Variants in DIP2B observed in about 807,000 individuals in gnomAD.
The protein encoded by DIP2B is disco-interacting protein 2 homolog B.
A neutral mutation model predicts 198.0 loss-of-function variants in DIP2B; 76 were observed. That is an observed-to-expected ratio of 0.38 (90% CI 0.32 to 0.46). DIP2B has a LOEUF of 0.46. DIP2B is among the 20% of genes least tolerant of loss of function. DIP2B has a pLI of 0.99. For synonymous variants in DIP2B, 701 were observed against 739.1 expected, an observed-to-expected ratio of 0.95 and a Z score of 0.84; for missense variants, 1,559 against 1,978.4, an observed-to-expected ratio of 0.79 and a Z score of 4.02.
intron 28 of DIP2B, among the ~76,000 whole-genome samples, chr12:50,725,455 GGATAA>G (rs564611655): frequency 8.5e-5 from 13 of 152,286 alleles, no homozygotes; most frequent in East Asian, 3.9e-4. Context: ...TTAAAGAAGG[GGATAA>G]GATAAGGGAA....
At chr12:50,730,854 G>A (rs1172732740) in intron 30 of DIP2B, among the ~76,000 whole-genome samples, 1 of 152,164 alleles carries the variant, frequency 6.6e-6, no homozygotes, top group African/African-American at 2.4e-5. Flanking sequence ...CACCAGCTCA[G>A]TGAAGCACTA....
chr12:50,511,296 T>TTTTTTTTTTTTTTTG, intron 1 of DIP2B, among the ~76,000 whole-genome samples: 1 of 113,640 alleles, frequency 8.8e-6, no homozygotes, highest in Non-Finnish European at 1.8e-5. Context: ...TTTCTATTTT[T>TTTTTTTTTTTTTTTG]TTTTTTTTTT....
rs760484356 is a variant in DIP2B, at chr12:50,739,523, C to G, written c.4291C>G (p.Leu1431Val). The G allele has an allele frequency of 6.2e-7, 1 of 1,614,192 alleles. No individual in the cohort carries two copies. Among genetic ancestry groups the G allele is most frequent in the Non-Finnish European group, 8.5e-7 (1 of 1,180,038 alleles). ...RLSFGDAAQT[L>V]WARTGYLGFV... The stretch of plus-strand genomic sequence containing the variant: ...CAGCTTTGGAGATGCAGCTCAGACA[C>G]TCTGGGCTCGGACAGGATACCTTGG... Residue 1431 changes from leucine to valine, a missense_variant, in exon 36 of 38, where the codon CTC (leucine) becomes GTC (valine). Physicochemically the swap from Leu to Val is conservative, Grantham distance 32. Transcript: ENST00000301180.
At position 50,527,581 on chromosome 12, in the gene DIP2B, T is replaced by G. The variant is rs145701652; in HGVS notation, c.100+22341T>G. Reference sequence around the variant, plus strand: ...GCTTGAGGCCAGGAGTTCAAGATAGTGAGACTCTGTCCCTAGGTGGTTATG... The same window carrying G: ...GCTTGAGGCCAGGAGTTCAAGATAGGGAGACTCTGTCCCTAGGTGGTTATG... On this transcript the variant is annotated intron_variant, in intron 1 of 37. Coordinates refer to ENST00000301180, the MANE Select transcript of DIP2B (RefSeq NM_173602.3). Among the ~76,000 whole-genome samples, 719 of 152,200 alleles carry G rather than the reference T, an allele frequency of 4.7e-3. 8 individuals carry two copies. Among genetic ancestry groups the G allele is most frequent in the African/African-American group, 0.016 (680 of 41,512 alleles).
intron 15 of DIP2B, 30 bp from the exon 16 acceptor site, chr12:50,695,818 A>G (rs1939301089): frequency 6.2e-7 from 1 of 1,613,196 alleles, no homozygotes; most frequent in South Asian, 1.1e-5. Flanking sequence ...TTTATTGTGT[A>G]TGTTAACTTC....
chr12:50,686,098 T>C, intron 11 of DIP2B, 142 bp downstream of exon 11: 1 of 890,196 alleles, frequency 1.1e-6, no homozygotes, highest in Non-Finnish European at 1.6e-6. Context: ...ACCATTATTA[T>C]CCCCATTTTA....
intron 1 of DIP2B, among the ~76,000 whole-genome samples, chr12:50,509,530 C>T (rs1313189367): frequency 1.3e-5 from 2 of 152,174 alleles, no homozygotes; most frequent in Non-Finnish European, 2.9e-5. Context: ...AACATAGTCC[C>T]ATCCTCCCTT....
At chr12:50,532,962 A>G (rs985729296) in intron 1 of DIP2B, among the ~76,000 whole-genome samples, 1 of 152,142 alleles carries the variant, frequency 6.6e-6, no homozygotes, top group African/African-American at 2.4e-5. Context: ...TCAGTGATCT[A>G]TTTCTGATTC....
chr12:50,529,676 T>C (rs1268042565), intron 1 of DIP2B, among the ~76,000 whole-genome samples: 1 of 152,036 alleles, frequency 6.6e-6, no homozygotes, highest in Middle Eastern at 3.2e-3. Flanking sequence ...TTTGTATTGA[T>C]GTTCCAGGGG....
intron 1 of DIP2B, among the ~76,000 whole-genome samples, chr12:50,550,792 T>A (rs1459804052): frequency 6.6e-6 from 1 of 152,160 alleles, no homozygotes; most frequent in Non-Finnish European, 1.5e-5. Flanking sequence ...CTTCTAGGAA[T>A]TCCATTCAGC....
At chr12:50,591,786 G>T (rs181787383) in intron 1 of DIP2B, among the ~76,000 whole-genome samples, 68 of 151,352 alleles carry the variant, frequency 4.5e-4, no homozygotes, top group Non-Finnish European at 8.5e-4. Flanking sequence ...ATACTACATT[G>T]TATAAATGAG....
At chr12:50,585,987 C>A (rs1055930660) in intron 1 of DIP2B, among the ~76,000 whole-genome samples, 3 of 152,224 alleles carry the variant, frequency 2.0e-5, no homozygotes, top group African/African-American at 7.2e-5. Flanking sequence ...TCAGTGAATA[C>A]TTTCAATTGA....
At chr12:50,553,152 A>G (rs746791297) in intron 1 of DIP2B, among the ~76,000 whole-genome samples, 7 of 152,154 alleles carry the variant, frequency 4.6e-5, no homozygotes, top group Non-Finnish European at 1.0e-4. Context: ...AGTTTTCTAT[A>G]TGGTGTCAGA....
At chr12:50,708,682 C>T in intron 22 of DIP2B, 120 bp downstream of exon 22, 1 of 743,808 alleles carries the variant, frequency 1.3e-6, no homozygotes, top group Non-Finnish European at 2.3e-6. Context: ...TGCTCACATA[C>T]TCTGGGTACT....
At position 50,532,020 on chromosome 12, in the gene DIP2B, C is replaced by T. The variant is rs755371614; in HGVS notation, c.100+26780C>T. On this transcript the variant is annotated intron_variant, in intron 1 of 37. Coordinates refer to ENST00000301180, the MANE Select transcript of DIP2B (RefSeq NM_173602.3). ...TCTAGAGTAGAAAGATGTGATGGAA[C>T]GAGGTCTCCCTGAGTCAGCAAAGCT... Among the ~76,000 whole-genome samples the T allele has an allele frequency of 2.0e-5, 3 of 152,090 alleles. 1 individual carries two copies. The highest frequency in any genetic ancestry group is 1.3e-4 in the Admixed American group (2 of 15,274).
At position 50,744,679 on chromosome 12, in the gene DIP2B, A is replaced by C. The variant is rs950821596; in HGVS notation, c.4571A>C (p.Asn1524Thr). 1 of 1,614,100 alleles carries C rather than the reference A, an allele frequency of 6.2e-7. No individual in the cohort carries two copies. The highest frequency in any genetic ancestry group is 8.5e-7 in the Non-Finnish European group (1 of 1,180,056). The change falls in exon 38 of 38, where the codon AAC becomes ACC. Residue 1524 changes from asparagine to threonine, a missense_variant. Coordinates refer to ENST00000301180, the MANE Select transcript of DIP2B (RefSeq NM_173602.3). ...CTAGATCTGGTCCCATTAGTGACCA[A>C]CGTGGTCCTGGAAGAGCATTACCTC... ...EALDLVPLVTNVVLEEHYLIV... is the reference protein window; with the variant it reads ...EALDLVPLVTTVVLEEHYLIV...
intron 20 of DIP2B, 110 bp from the exon 21 acceptor site, chr12:50,706,428 T>A (rs1331115657): frequency 7.7e-7 from 1 of 1,304,770 alleles, no homozygotes; most frequent in African/African-American, 1.5e-5. Flanking sequence ...ATATGGCAGT[T>A]GTGTTTTTAA....
Position 50,699,133 on chromosome 12 carries a change from C to G in DIP2B, c.2256C>G (p.Ile752Met). 6.2e-7 allele frequency: 1 copy of G among 1,614,150 alleles called. No individual in the cohort carries two copies. Among genetic ancestry groups the G allele is most frequent in the Admixed American group, 1.7e-5 (1 of 60,026 alleles). The stretch of plus-strand genomic sequence containing the variant: ...GCAAAACAGATGAAATTGGAGAAAT[C>G]TGTGTTAGCTCCAGAACTGGAGGCA... ...QLCKTDEIGEICVSSRTGGMM... is the reference protein window; with the variant it reads ...QLCKTDEIGEMCVSSRTGGMM... Residue 752 changes from isoleucine to methionine, a missense_variant, in exon 19 of 38, where the codon ATC becomes ATG. Physicochemically the swap from Ile to Met is conservative, Grantham distance 10. Transcript: ENST00000301180.
chr12:50,674,933 G>A (rs1032276369), intron 6 of DIP2B, among the ~76,000 whole-genome samples: 3 of 152,186 alleles, frequency 2.0e-5, no homozygotes, highest in Non-Finnish European at 2.9e-5. Flanking sequence ...GGGAGGCCGC[G>A]GTGGGCAGAT....
Sources: allele counts gnomAD v4.1 joint callset (sites outside exome capture counted in the v4.1 genomes callset), GRCh38; gene constraint gnomAD v4.1.1; transcripts MANE v1.5; gene names NCBI Gene and HGNC (gene_info 2026-07-23, HGNC 2026-07-21).